The following GALNT13 variants were observed in gnomAD, a reference collection of about 807,000 sequenced individuals.
GALNT13 encodes UDP-GalNAc:polypeptide N-acetylgalactosaminyltransferase 13.
Under a neutral mutation model 64.2 loss-of-function variants are expected in GALNT13, and 28 were observed. That is an observed-to-expected ratio of 0.44 (90% CI 0.32 to 0.60). The LOEUF (loss-of-function observed/expected upper bound fraction) is 0.60. GALNT13 is among the 20% of genes least tolerant of loss of function. The pLI is 0.05. For synonymous variants in GALNT13, 214 were observed against 224.6 expected, an observed-to-expected ratio of 0.95 and a Z score of 0.42; for missense variants, 577 against 669.8, an observed-to-expected ratio of 0.86 and a Z score of 1.53.
chr2:153,629,719 A>C, the GALNT13 span, among the ~76,000 whole-genome samples: 1 of 151,658 alleles, frequency 6.6e-6, no homozygotes, highest in Admixed American at 6.6e-5. Context: ...CAACCTACAG[A>C]ATGGGAGAAA....
At chr2:154,063,275 A>G (rs1216195497) in intron 3 of GALNT13, among the ~76,000 whole-genome samples, 1 of 152,236 alleles carries the variant, frequency 6.6e-6, no homozygotes, top group Middle Eastern at 3.4e-3. Context: ...TTATAACCAA[A>G]CAAATGCTGA....
chr2:154,022,260 G>A (rs1217712173), intron 3 of GALNT13, among the ~76,000 whole-genome samples: 2 of 152,096 alleles, frequency 1.3e-5, no homozygotes, highest in Non-Finnish European at 2.9e-5. Context: ...ATTGATTGGA[G>A]TAGTTTCAGA....
the GALNT13 span, among the ~76,000 whole-genome samples, chr2:153,828,734 G>T: frequency 6.6e-6 from 1 of 152,280 alleles, no homozygotes; most frequent in South Asian, 2.1e-4. Flanking sequence ...AATTTCTGCA[G>T]CTGGGCTTGA....
chr2:154,399,205 T>G (rs2551119), intron 10 of GALNT13, among the ~76,000 whole-genome samples: 1 of 151,804 alleles, frequency 6.6e-6, no homozygotes, highest in South Asian at 2.1e-4. Context: ...ATGGCTTGAG[T>G]CCAGGAGTTC....
chr2:153,852,850 T>A, the GALNT13 span, among the ~76,000 whole-genome samples: 1 of 152,194 alleles, frequency 6.6e-6, no homozygotes, highest in Non-Finnish European at 1.5e-5. Flanking sequence ...TGTATTCGGG[T>A]TCTCTTGAGG....
the GALNT13 span, among the ~76,000 whole-genome samples, chr2:153,299,938 A>T: frequency 1.3e-5 from 2 of 152,108 alleles, no homozygotes; most frequent in Non-Finnish European, 2.9e-5. Flanking sequence ...TCACCCACTA[A>T]CATCATCCCG....
At chr2:153,102,826 A>T in the GALNT13 span, among the ~76,000 whole-genome samples, 1 of 152,170 alleles carries the variant, frequency 6.6e-6, no homozygotes, top group Admixed American at 6.6e-5. Context: ...GCTATGTAAC[A>T]TGAAAATGTA....
chr2:153,664,247 T>C, the GALNT13 span, among the ~76,000 whole-genome samples: 40 of 152,146 alleles, frequency 2.6e-4, no homozygotes, highest in African/African-American at 9.2e-4. Flanking sequence ...GAGTGGCCGT[T>C]CATATACCCA....
intron 9 of GALNT13, among the ~76,000 whole-genome samples, chr2:154,346,910 T>A (rs1696098750): frequency 6.6e-6 from 1 of 152,110 alleles, no homozygotes; most frequent in Non-Finnish European, 1.5e-5. Flanking sequence ...TGATACATAA[T>A]TGTTGTATAC....
the GALNT13 span, among the ~76,000 whole-genome samples, chr2:153,434,127 G>C: frequency 6.6e-6 from 1 of 152,206 alleles, no homozygotes; most frequent in East Asian, 1.9e-4. Context: ...ATGGTTTCCA[G>C]CTTCATCCAT....
At chr2:153,802,074 A>G in the GALNT13 span, among the ~76,000 whole-genome samples, 1 of 152,124 alleles carries the variant, frequency 6.6e-6, no homozygotes, top group Non-Finnish European at 1.5e-5. Context: ...GTATCTGAGG[A>G]CTTTTGTGGC....
At chr2:153,286,805 T>C in the GALNT13 span, among the ~76,000 whole-genome samples, 2 of 152,182 alleles carry the variant, frequency 1.3e-5, no homozygotes, top group Non-Finnish European at 2.9e-5. Flanking sequence ...TAAATGTTTA[T>C]GTGAATTTAT....
chr2:153,825,765 A>G, the GALNT13 span, among the ~76,000 whole-genome samples: 5 of 152,038 alleles, frequency 3.3e-5, no homozygotes, highest in Admixed American at 2.0e-4. Flanking sequence ...AAAACGACTA[A>G]CAAGAGCTGG....
the GALNT13 span, among the ~76,000 whole-genome samples, chr2:153,488,808 G>A: frequency 6.6e-6 from 1 of 152,168 alleles, no homozygotes; most frequent in Non-Finnish European, 1.5e-5. Context: ...ATTAAGAGGT[G>A]AGGCCCTTAA....
intron 1 of GALNT13, among the ~76,000 whole-genome samples, chr2:153,891,819 G>A (rs915377228): frequency 3.3e-5 from 5 of 149,846 alleles, no homozygotes; most frequent in African/African-American, 1.2e-4. Flanking sequence ...CCTTCTTAGA[G>A]ATCTATTCCA....
intron 4 of GALNT13, among the ~76,000 whole-genome samples, chr2:154,150,556 T>A (rs1683937200): frequency 6.6e-6 from 1 of 152,132 alleles, no homozygotes. Flanking sequence ...ATCCATCTGG[T>A]CCTGGACTCT....
chr2:153,903,170 A>G (rs946292362), intron 2 of GALNT13, among the ~76,000 whole-genome samples: 1 of 152,058 alleles, frequency 6.6e-6, no homozygotes, highest in African/African-American at 2.4e-5. Context: ...ATTATAAGTT[A>G]CGATAGTAAA....
the GALNT13 span, among the ~76,000 whole-genome samples, chr2:153,581,137 A>C: frequency 3.0e-4 from 46 of 152,218 alleles, no homozygotes; most frequent in Non-Finnish European, 6.2e-4. Context: ...AGTTTTGAAC[A>C]GTATGTGGGA....
At chr2:154,449,800 C>T (rs1214207412) in intron 12 of GALNT13, among the ~76,000 whole-genome samples, 3 of 151,820 alleles carry the variant, frequency 2.0e-5, no homozygotes, top group African/African-American at 7.3e-5. Context: ...ATGTGATCAT[C>T]ATGCCCCTGT....
Sources: gnomAD v4.1 joint callset for allele counts (sites outside exome capture counted in the v4.1 genomes callset) on GRCh38, gnomAD v4.1.1 for gene constraint, MANE v1.5 for transcripts, NCBI Gene and HGNC (gene_info 2026-07-23, HGNC 2026-07-21) for gene names.